Variants in RALGPS1 observed in about 807,000 individuals in gnomAD.
The protein encoded by RALGPS1 is ras-specific guanine nucleotide-releasing factor RalGPS1.
In RALGPS1, 19 loss-of-function variants were observed where a neutral mutation model predicts 78.8. The ratio of observed to expected loss-of-function variants is 0.24; its 90% confidence interval spans 0.17 to 0.35. The LOEUF (loss-of-function observed/expected upper bound fraction) is 0.35. Among genes scored for constraint, RALGPS1 ranks in the 10% least tolerant of loss-of-function variants. The probability of loss-of-function intolerance (pLI) is 1.00; values close to 1 mark genes in which losing one functional copy is unlikely to be tolerated. For synonymous variants in RALGPS1, 228 were observed against 256.3 expected, an observed-to-expected ratio of 0.89 and a Z score of 1.06; for missense variants, 454 against 688.3, an observed-to-expected ratio of 0.66 and a Z score of 3.81.
At chr9:127,113,831 TTGGCCTGATG>T (rs1470770335) in intron 8 of RALGPS1, among the ~76,000 whole-genome samples, 1 of 152,194 alleles carries the variant, frequency 6.6e-6, no homozygotes, top group East Asian at 1.9e-4. Flanking sequence ...ATGTCCCCGC[TTGGCCTGATG>T]TGGTGGGGCC....
chr9:126,977,543 A>G (rs1179007210), intron 3 of RALGPS1, 152 bp from the exon 4 acceptor site: 1 of 434,432 alleles, frequency 2.3e-6, no homozygotes, highest in Non-Finnish European at 4.0e-6. Context: ...GGCATTTCAG[A>G]AATGTATCCA....
intron 7 of RALGPS1, among the ~76,000 whole-genome samples, chr9:127,063,354 TTG>T (rs1255029658): frequency 6.6e-6 from 1 of 152,218 alleles, no homozygotes; most frequent in African/African-American, 2.4e-5. Context: ...ACCTCGTGGT[TTG>T]TGAGTCCCAT....
intron 3 of RALGPS1, among the ~76,000 whole-genome samples, chr9:126,968,170 T>G (rs2039724221): frequency 6.6e-6 from 1 of 152,036 alleles, no homozygotes; most frequent in Admixed American, 6.6e-5. Flanking sequence ...GCCCAGCTAA[T>G]TTTTGCATTT....
At chr9:126,977,353 G>A (rs2040764765) in intron 3 of RALGPS1, among the ~76,000 whole-genome samples, 1 of 152,152 alleles carries the variant, frequency 6.6e-6, no homozygotes, top group Non-Finnish European at 1.5e-5. Context: ...AATTACAAAA[G>A]TAGTTCATGC....
chr9:126,927,398 C>T (rs2035383230), intron 1 of RALGPS1, among the ~76,000 whole-genome samples: 1 of 151,220 alleles, frequency 6.6e-6, no homozygotes, highest in African/African-American at 2.4e-5. Flanking sequence ...GGTGTGGAAA[C>T]CGGTGGTGGG....
At chr9:127,013,281 C>T (rs926653474) in intron 4 of RALGPS1, among the ~76,000 whole-genome samples, 2 of 152,138 alleles carry the variant, frequency 1.3e-5, no homozygotes, top group Non-Finnish European at 2.9e-5. Flanking sequence ...TCTGTGGGCG[C>T]TGGCAGAGCA....
At chr9:127,108,137 G>C in intron 8 of RALGPS1, 1 of 1,614,062 alleles carries the variant, frequency 6.2e-7, no homozygotes, top group Middle Eastern at 1.7e-4. Flanking sequence ...TCCTCAAGCT[G>C]CGCGATGATC....
chr9:127,067,692 A>G (rs1483563643), intron 7 of RALGPS1, among the ~76,000 whole-genome samples: 1 of 152,188 alleles, frequency 6.6e-6, no homozygotes, highest in Non-Finnish European at 1.5e-5. Flanking sequence ...GGTCTGAAGA[A>G]CTTGGCCAAA....
At chr9:127,055,212 A>ATCTGTCTGTCTGTCTGTCTG (rs11281489) in intron 7 of RALGPS1, among the ~76,000 whole-genome samples, 9 of 151,104 alleles carry the variant, frequency 6.0e-5, no homozygotes, top group African/African-American at 2.2e-4. Context: ...CTATCTATCT[A>ATCTGTCTGTCTGTCTGTCTG]TCTGTCTGTC....
chr9:126,986,507 G>T (rs961794233), intron 4 of RALGPS1, among the ~76,000 whole-genome samples: 1 of 152,060 alleles, frequency 6.6e-6, no homozygotes, highest in Non-Finnish European at 1.5e-5. Flanking sequence ...CTTCTAAAAG[G>T]GTATGTTTTC....
chr9:126,982,841 C>T (rs1358965068), intron 4 of RALGPS1, among the ~76,000 whole-genome samples: 3 of 99,476 alleles, frequency 3.0e-5, no homozygotes, highest in Non-Finnish European at 4.9e-5. Context: ...CTTCTTCTTC[C>T]TTCTTTCTTC....
rs1314646929 is a variant in RALGPS1 at position 127,222,480 on chromosome 9, A to G, written c.*3711A>G. On this transcript the variant is annotated 3_prime_UTR_variant, in exon 19 of 19. Coordinates refer to ENST00000259351, the MANE Select transcript of RALGPS1 (RefSeq NM_014636.3). Reference sequence around the variant, plus strand: ...TCCATAGGTTTCTGTTTTTAATTTCAATGTTAAATACAACTACAATATGAG... The same window carrying G: ...TCCATAGGTTTCTGTTTTTAATTTCGATGTTAAATACAACTACAATATGAG... The G allele has an allele frequency of 1.3e-5, 2 of 152,236 alleles. No individual in the cohort carries two copies. The highest frequency in any genetic ancestry group is 4.8e-5 in the African/African-American group (2 of 41,456). 9.4% of individuals were successfully genotyped at this position (152,236 alleles called of 1,614,324 possible). A position where few individuals can be genotyped will look rare whatever the true frequency, so the allele number is the denominator to read the frequency against.
At chr9:126,943,053 C>G (rs1479626021) in intron 1 of RALGPS1, among the ~76,000 whole-genome samples, 1 of 152,124 alleles carries the variant, frequency 6.6e-6, no homozygotes, top group Non-Finnish European at 1.5e-5. Context: ...TAGTCCACTT[C>G]CATTTGCTTG....
intron 11 of RALGPS1, among the ~76,000 whole-genome samples, chr9:127,186,299 A>G (rs2060637916): frequency 6.6e-6 from 1 of 152,258 alleles, no homozygotes; most frequent in South Asian, 2.1e-4. Flanking sequence ...ATGCTGAGGA[A>G]AAATGGAGCA....
intron 11 of RALGPS1, among the ~76,000 whole-genome samples, chr9:127,189,767 C>T (rs2060921079): frequency 6.6e-6 from 1 of 151,938 alleles, no homozygotes. Flanking sequence ...AGGCAGAGAG[C>T]CAAAGGAGGC....
At chr9:127,177,748 G>A in intron 11 of RALGPS1, 1 of 1,424,542 alleles carries the variant, frequency 7.0e-7, no homozygotes, top group Non-Finnish European at 9.6e-7. Flanking sequence ...GGCAGGAAAG[G>A]AGGCACTGCA....
chr9:127,215,896 T>G (rs1338846735), intron 18 of RALGPS1: 2 of 152,364 alleles, frequency 1.3e-5, no homozygotes, highest in East Asian at 3.9e-4. Context: ...TAGCCCATCT[T>G]GGGAGGGCTA....
rs1163063079 is a variant in RALGPS1 at position 127,221,394 on chromosome 9, C to T, written c.*2625C>T. 6.6e-6 allele frequency: 1 copy of T among 152,168 alleles called. No individual in the cohort carries two copies. The highest frequency in any genetic ancestry group is 2.4e-5 in the African/African-American group (1 of 41,420). The allele number at this position is 152,168 out of a possible 1,614,324, so 9.4% of individuals were successfully genotyped here. On this transcript the variant is annotated 3_prime_UTR_variant, in exon 19 of 19. Coordinates refer to ENST00000259351, the MANE Select transcript of RALGPS1 (RefSeq NM_014636.3). ...TTTTTTAAGCAAATGGATCATGGCACCCCAAAATGAAAGTTATAGAAAGCT... is the reference window on the plus strand; with the variant it reads ...TTTTTTAAGCAAATGGATCATGGCATCCCAAAATGAAAGTTATAGAAAGCT...
intron 1 of RALGPS1, among the ~76,000 whole-genome samples, chr9:126,953,256 A>G (rs2131828784): frequency 6.6e-6 from 1 of 152,244 alleles, no homozygotes; most frequent in Non-Finnish European, 1.5e-5. Flanking sequence ...TGTGGTTCTG[A>G]TACAACTGCC....
Sources: gnomAD v4.1 joint callset for allele counts (sites outside exome capture counted in the v4.1 genomes callset) on GRCh38, gnomAD v4.1.1 for gene constraint, MANE v1.5 for transcripts, NCBI Gene and HGNC (gene_info 2026-07-23, HGNC 2026-07-21) for gene names.